RANBP2: variants seen among roughly 807,000 people sequenced by gnomAD.
The protein encoded by RANBP2 is RAN binding protein 2.
RANBP2 carries 57 observed loss-of-function variants against 303.6 expected under a neutral mutation model. The ratio of observed to expected loss-of-function variants is 0.19; its 90% CI spans 0.15 to 0.23. The LOEUF (loss-of-function observed/expected upper bound fraction) is 0.23. Among genes scored for constraint, RANBP2 ranks in the 10% least tolerant of loss-of-function variants. RANBP2 has a pLI of 1.00. For missense variants in RANBP2, 3,138 were observed against 3,780.8 expected, an observed-to-expected ratio of 0.83 and a Z score of 4.46; for synonymous variants, 1,167 against 1,301.5, an observed-to-expected ratio of 0.90 and a Z score of 2.23.
At chr2:109,508,282 T>A in the RANBP2 span, among the ~76,000 whole-genome samples, 6 of 152,208 alleles carry the variant, frequency 3.9e-5, no homozygotes, top group Admixed American at 3.9e-4. Context: ...ATATACTGAT[T>A]GATAGCGCCT....
intron 6 of RANBP2, among the ~76,000 whole-genome samples, chr2:108,737,875 C>T (rs535200255): frequency 2.7e-5 from 4 of 150,334 alleles, no homozygotes; most frequent in Middle Eastern, 7.0e-3. Flanking sequence ...CACCACGCTC[C>T]GCTAATTTTT....
At chr2:109,452,585 G>C in the RANBP2 span, among the ~76,000 whole-genome samples, 1 of 152,208 alleles carries the variant, frequency 6.6e-6, no homozygotes, top group Non-Finnish European at 1.5e-5. Context: ...GTAGAGTAGG[G>C]AGTAATTTTC....
chr2:108,887,489 T>C, the RANBP2 span, among the ~76,000 whole-genome samples: 2 of 152,334 alleles, frequency 1.3e-5, no homozygotes, highest in South Asian at 4.1e-4. Context: ...ATGATACTAA[T>C]TTCTCTTATC....
At chr2:109,078,157 A>G in the RANBP2 span, among the ~76,000 whole-genome samples, 7 of 111,268 alleles carry the variant, frequency 6.3e-5, no homozygotes, top group African/African-American at 6.5e-5. Flanking sequence ...TATAGCATGT[A>G]TATATATATA....
the RANBP2 span, chr2:108,883,027 G>A: frequency 6.6e-6 from 1 of 152,148 alleles, no homozygotes; most frequent in Non-Finnish European, 1.5e-5. Context: ...TAGGAGCATC[G>A]AGATTAAACA....
the RANBP2 span, among the ~76,000 whole-genome samples, chr2:109,316,162 C>T: frequency 6.6e-6 from 1 of 152,180 alleles, no homozygotes; most frequent in Non-Finnish European, 1.5e-5. Context: ...GTGTTCAGAG[C>T]TGGTTTTGCT....
chr2:109,132,602 C>G, the RANBP2 span, among the ~76,000 whole-genome samples: 1 of 152,144 alleles, frequency 6.6e-6, no homozygotes, highest in Non-Finnish European at 1.5e-5. Flanking sequence ...AGGAGTTGGT[C>G]TTTTTATTTG....
chr2:109,616,259 T>G, the RANBP2 span: 2 of 841,602 alleles, frequency 2.4e-6, no homozygotes, highest in African/African-American at 3.5e-5. Context: ...AGATTCATCA[T>G]ACCTTGACCT....
the RANBP2 span, among the ~76,000 whole-genome samples, chr2:108,994,539 A>C: frequency 2.6e-5 from 4 of 152,178 alleles, no homozygotes; most frequent in Non-Finnish European, 2.9e-5. Flanking sequence ...AGTATTATAA[A>C]ACCTATTTGC....
At chr2:109,477,446 C>T in the RANBP2 span, among the ~76,000 whole-genome samples, 4 of 152,228 alleles carry the variant, frequency 2.6e-5, no homozygotes, top group African/African-American at 9.6e-5. Flanking sequence ...AGTCCCGAAA[C>T]GGGCATAGAG....
At chr2:109,364,878 G>A in the RANBP2 span, among the ~76,000 whole-genome samples, 1 of 152,178 alleles carries the variant, frequency 6.6e-6, no homozygotes, top group African/African-American at 2.4e-5. Context: ...ATTACTTGAG[G>A]TCAGGAGTTC....
chr2:109,565,795 T>C, the RANBP2 span: 9 of 1,614,124 alleles, frequency 5.6e-6, no homozygotes, highest in South Asian at 4.4e-5. Flanking sequence ...CTGGCGAGCT[T>C]TGACCATCTT....
At chr2:109,513,295 CAT>C in the RANBP2 span, among the ~76,000 whole-genome samples, 1 of 151,568 alleles carries the variant, frequency 6.6e-6, no homozygotes, top group African/African-American at 2.4e-5. Flanking sequence ...ACACCCCACA[CAT>C]GTACACATGC....
the RANBP2 span, chr2:109,614,182 TGCGGCCCTCGCGAGGCCGGAAGTGG>T: frequency 8.6e-7 from 1 of 1,156,570 alleles, no homozygotes; most frequent in South Asian, 4.4e-5. Flanking sequence ...GAGCAGTGAT[TGCGGCCCTCGCGAGGCCGGAAGTGG>T]GCGGGCCTTG....
the RANBP2 span, among the ~76,000 whole-genome samples, chr2:109,243,358 C>G: frequency 6.6e-6 from 1 of 152,268 alleles, no homozygotes; most frequent in Non-Finnish European, 1.5e-5. Flanking sequence ...TCCTTCTGTT[C>G]ACCCCTTACC....
the RANBP2 span, among the ~76,000 whole-genome samples, chr2:109,051,614 AAG>A: frequency 6.6e-6 from 1 of 152,294 alleles, no homozygotes; most frequent in African/African-American, 2.4e-5. Flanking sequence ...AGTTACATTA[AAG>A]AGTGTTTTGT....
the RANBP2 span, among the ~76,000 whole-genome samples, chr2:109,142,832 T>A: frequency 6.6e-6 from 1 of 152,160 alleles, no homozygotes; most frequent in Non-Finnish European, 1.5e-5. Context: ...TGGCTGTCAT[T>A]GTGGGACGTT....
At chr2:109,660,691 G>T in the RANBP2 span, among the ~76,000 whole-genome samples, 1 of 152,208 alleles carries the variant, frequency 6.6e-6, no homozygotes, top group Non-Finnish European at 1.5e-5. Context: ...AGCCTGAGCC[G>T]CAGAGTGCTG....
At chr2:109,136,481 C>T in the RANBP2 span, among the ~76,000 whole-genome samples, 18 of 152,120 alleles carry the variant, frequency 1.2e-4, no homozygotes, top group Admixed American at 9.8e-4. Flanking sequence ...ATGTGAGCCT[C>T]CCTTTTCCCA....
Sources: gnomAD v4.1 joint callset for allele counts (sites outside exome capture counted in the v4.1 genomes callset) on GRCh38, gnomAD v4.1.1 for gene constraint, MANE v1.5 for transcripts, NCBI Gene and HGNC (gene_info 2026-07-23, HGNC 2026-07-21) for gene names.